Variants in KLRF1 observed in about 807,000 individuals in gnomAD.
KLRF1 encodes the protein killer cell lectin-like receptor subfamily F member 1.
In KLRF1, 27 loss-of-function variants were observed where a neutral mutation model predicts 30.7. The ratio of observed to expected loss-of-function variants is 0.88; its 90% CI spans 0.65 to 1.21. The LOEUF (loss-of-function observed/expected upper bound fraction) is 1.21. KLRF1 is among the 50% of genes most tolerant of loss of function. The probability of loss-of-function intolerance (pLI) is 0.00; values close to 1 mark genes in which losing one functional copy is unlikely to be tolerated. For missense variants in KLRF1, 246 were observed against 259.3 expected, an observed-to-expected ratio of 0.95 and a Z score of 0.35; for synonymous variants, 92 against 89.3, an observed-to-expected ratio of 1.03 and a Z score of -0.17.
chr12:9,827,568 G>T lies in KLRF1; in HGVS notation c.24G>T (p.Met8Ile). Reference sequence around the variant, plus strand: ...AGATGCAAGATGAAGAAAGATACATGACATTGAATGTACAGTCAAAGAAAA... The same window carrying T: ...AGATGCAAGATGAAGAAAGATACATTACATTGAATGTACAGTCAAAGAAAA... MQDEERYMTLNVQSKKRS... is the reference protein window; with the variant it reads MQDEERYITLNVQSKKRS... Residue 8 changes from methionine (M) to isoleucine (I), a missense_variant, in exon 1 of 6, where the codon ATG (methionine) becomes ATT (isoleucine). By Grantham distance (10) the Met-to-Ile change is conservative. Transcript: ENST00000617889. 1 of 1,605,492 alleles carries T rather than the reference G, an allele frequency of 6.2e-7. No individual in the cohort carries two copies. The highest frequency in any genetic ancestry group is 1.1e-5 in the South Asian group (1 of 90,538).
At position 9,833,441 on chromosome 12, in the gene KLRF1, C is replaced by T. The variant is rs1376398901; in HGVS notation, c.323C>T (p.Ala108Val). 1.9e-6 allele frequency: 3 copies of T among 1,604,888 alleles called. No homozygotes were observed. The highest frequency in any genetic ancestry group is 2.6e-6 in the Non-Finnish European group (3 of 1,176,206). Residue 108 changes from alanine (A) to valine (V), a missense_variant, in exon 3 of 6, where the codon GCA becomes GTA. Transcript: ENST00000617889. ...SNKDLCASRS[A>V]DQTVLCQSEW... Reference sequence around the variant, plus strand: ...AAGGACCTTTGTGCTTCGAGATCTGCAGACCAGACAGGTATGTCTCAAGGC... The same window carrying T: ...AAGGACCTTTGTGCTTCGAGATCTGTAGACCAGACAGGTATGTCTCAAGGC...
intron 5 of KLRF1, 26 bp from the exon 6 acceptor site, chr12:9,844,392 C>T (rs771980854): frequency 4.2e-6 from 5 of 1,192,532 alleles, no homozygotes; most frequent in Middle Eastern, 2.0e-4. Context: ...CAGTGATTAA[C>T]AAAGTATTTA....
chr12:9,810,007 T>C, the KLRF1 span, among the ~76,000 whole-genome samples: 1 of 152,170 alleles, frequency 6.6e-6, no homozygotes, highest in Non-Finnish European at 1.5e-5. Flanking sequence ...AGAAACAAGC[T>C]TCTCAGTCCT....
upstream of KLRF1, among the ~76,000 whole-genome samples, chr12:9,823,449 A>G (rs1416705677): frequency 6.6e-6 from 1 of 152,206 alleles, no homozygotes; most frequent in African/African-American, 2.4e-5. Context: ...ATGAGAACAA[A>G]GATACGACAT....
chr12:9,843,450 TC>T (rs1326831120), intron 5 of KLRF1, among the ~76,000 whole-genome samples: 1 of 152,174 alleles, frequency 6.6e-6, no homozygotes, highest in African/African-American at 2.4e-5. Context: ...TGTATTATTT[TC>T]CCCTTATTTC....
Position 9,832,217 on chromosome 12 carries a change from CA to C in KLRF1, c.86-95del, listed in dbSNP as rs1197612075. ...TTGATTGCCTAATATCTTTTGAAAC[CA>C]AAACTAATATTTTATACAATCCTAT... On this transcript the variant is annotated intron_variant, in intron 1 of 5. Transcript: ENST00000617889. 17 of 622,790 alleles carry C rather than the reference CA, an allele frequency of 2.7e-5. No individual in the cohort carries two copies. The East Asian group carries it at 4.5e-4, about 17-fold the overall frequency. The allele number at this position is 622,790 out of a possible 1,614,324, so 38.6% of individuals were successfully genotyped here. A position where few individuals can be genotyped will look rare whatever the true frequency, so the allele number is the denominator to read the frequency against.
intron 1 of KLRF1, among the ~76,000 whole-genome samples, chr12:9,828,811 TC>T (rs1191003304): frequency 1.3e-5 from 2 of 152,190 alleles, no homozygotes; most frequent in Non-Finnish European, 2.9e-5. Context: ...AATTTTTATT[TC>T]ATTTTTGGAA....
chr12:9,822,224 G>A, the KLRF1 span, among the ~76,000 whole-genome samples: 1 of 152,196 alleles, frequency 6.6e-6, no homozygotes, highest in Non-Finnish European at 1.5e-5. Context: ...AAGATCATCA[G>A]CATTCAGGAA....
At chr12:9,835,998 A>G (rs1279414758) in intron 3 of KLRF1, among the ~76,000 whole-genome samples, 1 of 151,962 alleles carries the variant, frequency 6.6e-6, no homozygotes, top group Non-Finnish European at 1.5e-5. Flanking sequence ...GTATAGGGAG[A>G]CAGATGTTGC....
chr12:9,836,598 A>G (rs1246990737), intron 3 of KLRF1, among the ~76,000 whole-genome samples: 4 of 152,144 alleles, frequency 2.6e-5, no homozygotes, highest in Non-Finnish European at 5.9e-5. Flanking sequence ...GACTTTCCAG[A>G]TAAATGTATA....
intron 3 of KLRF1, among the ~76,000 whole-genome samples, chr12:9,838,871 T>C (rs1487958049): frequency 1.3e-5 from 2 of 152,120 alleles, no homozygotes; most frequent in Admixed American, 6.6e-5. Context: ...ATGTTTTATT[T>C]AGTACACATT....
At chr12:9,825,799 T>C (rs1200388188), upstream of KLRF1, among the ~76,000 whole-genome samples, 1 of 152,114 alleles carries the variant, frequency 6.6e-6, no homozygotes, top group Non-Finnish European at 1.5e-5. Flanking sequence ...CCAGCATCTG[T>C]AAGAAACTTA....
At position 9,841,806 on chromosome 12, in the gene KLRF1, C is replaced by T. The variant is rs771740638; in HGVS notation, c.335-6C>T. On this transcript the variant is annotated splice_region_variant and splice_polypyrimidine_tract_variant and intron_variant, in intron 3 of 5. Transcript: ENST00000617889. ...ATTTCATTTTGTTTTCTACATTTCT[C>T]TGTAGTACTATGCCAATCAGAATGG... 3.2e-5 allele frequency: 51 copies of T among 1,597,166 alleles called. No individual in the cohort carries two copies. Among genetic ancestry groups the T allele is most frequent in the Non-Finnish European group, 4.1e-5 (48 of 1,170,892 alleles).
upstream of KLRF1, among the ~76,000 whole-genome samples, chr12:9,824,387 AG>A (rs1362016699): frequency 6.6e-6 from 1 of 152,204 alleles, no homozygotes. Context: ...TTATTTCAAT[AG>A]AAACAGTAAG....
the KLRF1 span, among the ~76,000 whole-genome samples, chr12:9,805,469 G>A: frequency 1.3e-5 from 2 of 151,918 alleles, no homozygotes; most frequent in Admixed American, 1.3e-4. Flanking sequence ...CCTCCAAAAG[G>A]TCCCACCTTT....
chr12:9,839,006 G>T lies in KLRF1; in HGVS notation c.335-2806G>T, dbSNP rs531165382. 2.0e-5 allele frequency among the ~76,000 whole-genome samples: 3 copies of T among 152,134 alleles called. No individual in the cohort carries two copies. The East Asian group carries it at 5.8e-4, about 29-fold the overall frequency. On this transcript the variant is annotated intron_variant, in intron 3 of 5. Coordinates refer to ENST00000617889, the MANE Select transcript of KLRF1 (RefSeq NM_016523.3). ...CCCAAATGTGATGGGATTTGGAGAC[G>T]GGGTCTTTAGAAAGTAATTAGATTT... is the stretch of plus-strand genomic sequence containing the variant.
chr12:9,814,184 G>A, the KLRF1 span, among the ~76,000 whole-genome samples: 3 of 152,108 alleles, frequency 2.0e-5, no homozygotes, highest in African/African-American at 7.2e-5. Flanking sequence ...CAGTGCACTG[G>A]GGAGGCTGCC....
At chr12:9,819,620 T>C in the KLRF1 span, among the ~76,000 whole-genome samples, 12 of 152,072 alleles carry the variant, frequency 7.9e-5, no homozygotes, top group South Asian at 4.2e-4. Context: ...CCTCCACAAG[T>C]GTTTTTGAGC....
chr12:9,822,146 A>G, the KLRF1 span, among the ~76,000 whole-genome samples: 4 of 152,370 alleles, frequency 2.6e-5, no homozygotes, highest in African/African-American at 9.6e-5. Flanking sequence ...TAGTTATCCA[A>G]CAAGGGTTTT....
Sources: allele counts gnomAD v4.1 joint callset (sites outside exome capture counted in the v4.1 genomes callset), GRCh38; gene constraint gnomAD v4.1.1; transcripts MANE v1.5; gene names NCBI Gene and HGNC (gene_info 2026-07-23, HGNC 2026-07-21).